MEGF11: variants seen among roughly 807,000 people sequenced by gnomAD.
MEGF11 encodes multiple EGF like domains 11, also known as multiple epidermal growth factor-like domains protein 11.
In MEGF11, 126 loss-of-function variants were observed where a neutral mutation model predicts 146.6. The observed-to-expected ratio is 0.86, with a 90% CI of 0.74 to 1.00. MEGF11 has a LOEUF of 1.00. Ranked by LOEUF, MEGF11 falls within the 50% of genes least tolerant of loss-of-function variation. The probability of loss-of-function intolerance (pLI) is 0.00; values close to 1 mark genes in which losing one functional copy is unlikely to be tolerated. For synonymous variants in MEGF11, 532 were observed against 583.4 expected (o/e 0.91, Z 1.27); for missense variants, 1,509 against 1,521.2 (o/e 0.99, Z 0.13).
chr15:66,196,194 A>G (rs952698259), intron 1 of MEGF11, among the ~76,000 whole-genome samples: 6 of 152,272 alleles, frequency 3.9e-5, no homozygotes, highest in Admixed American at 6.5e-5. Flanking sequence ...ATTTGGGGTC[A>G]GGCGTGGTGG....
chr15:66,002,846 A>G (rs1425622626), intron 5 of MEGF11, among the ~76,000 whole-genome samples: 3 of 152,286 alleles, frequency 2.0e-5, no homozygotes, highest in African/African-American at 7.2e-5. Context: ...GAACCTGAGC[A>G]ATCAGCTAGT....
chr15:66,160,197 G>T (rs962949344), intron 1 of MEGF11, among the ~76,000 whole-genome samples: 2 of 149,188 alleles, frequency 1.3e-5, no homozygotes, highest in Admixed American at 6.7e-5. Flanking sequence ...GGCTAGAAAG[G>T]GCTTTGTTTC....
At chr15:66,183,534 C>A (rs200725895) in intron 1 of MEGF11, among the ~76,000 whole-genome samples, 7,042 of 121,976 alleles carry the variant, frequency 0.058, 250 homozygotes, top group East Asian at 0.1. Flanking sequence ...CACCCCCCTG[C>A]CAAAAAGAAA....
intron 5 of MEGF11, among the ~76,000 whole-genome samples, chr15:65,992,060 C>T (rs954008599): frequency 1.3e-5 from 2 of 152,210 alleles, no homozygotes; most frequent in African/African-American, 4.8e-5. Flanking sequence ...GACAAGGAGG[C>T]CCGGGAGCGG....
At chr15:66,215,242 A>G in intron 1 of MEGF11, among the ~76,000 whole-genome samples, 1 of 152,036 alleles carries the variant, frequency 6.6e-6, no homozygotes, top group East Asian at 1.9e-4. Context: ...GTATCTTCGC[A>G]TTGGTCTCTT....
intron 1 of MEGF11, among the ~76,000 whole-genome samples, chr15:66,212,575 G>A (rs1274792581): frequency 4.6e-5 from 7 of 152,238 alleles, no homozygotes; most frequent in Admixed American, 4.6e-4. Context: ...GATCCCAGTA[G>A]TGAAGGTAAT....
At chr15:65,901,266 G>C (rs2078488117) in intron 24 of MEGF11, among the ~76,000 whole-genome samples, 1 of 152,094 alleles carries the variant, frequency 6.6e-6, no homozygotes, top group South Asian at 2.1e-4. Flanking sequence ...CAGAGCTTCT[G>C]GTTTGGAAGC....
chr15:65,903,402 C>T (rs1294162128), intron 24 of MEGF11, among the ~76,000 whole-genome samples: 2 of 152,120 alleles, frequency 1.3e-5, no homozygotes, highest in Non-Finnish European at 2.9e-5. Flanking sequence ...AAGTGGTCTC[C>T]CTTAACCTCC....
At chr15:66,007,764 G>T (rs541229123) in intron 5 of MEGF11, among the ~76,000 whole-genome samples, 1 of 152,152 alleles carries the variant, frequency 6.6e-6, no homozygotes, top group Non-Finnish European at 1.5e-5. Flanking sequence ...GAAAAGAAAA[G>T]AAAAGAAAAG....
intron 1 of MEGF11, among the ~76,000 whole-genome samples, chr15:66,170,795 C>T (rs771452441): frequency 1.3e-4 from 20 of 152,120 alleles, no homozygotes; most frequent in Admixed American, 2.6e-4. Context: ...CCCACAAGCA[C>T]GGCCCTCAGC....
At chr15:65,908,893 T>C in intron 23 of MEGF11, 141 bp downstream of exon 23, 1 of 599,412 alleles carries the variant, frequency 1.7e-6, no homozygotes, top group Non-Finnish European at 3.0e-6. Context: ...ATTGAGCTGG[T>C]AGACATGTTG....
At chr15:66,039,046 G>A (rs1031495981) in intron 5 of MEGF11, among the ~76,000 whole-genome samples, 3 of 152,192 alleles carry the variant, frequency 2.0e-5, no homozygotes, top group African/African-American at 7.2e-5. Context: ...TGCTGGAAAT[G>A]CAGTCTCGGG....
intron 10 of MEGF11, among the ~76,000 whole-genome samples, chr15:65,950,016 C>T (rs1433021126): frequency 6.6e-6 from 1 of 152,176 alleles, no homozygotes; most frequent in African/African-American, 2.4e-5. Flanking sequence ...AAAGATTCAA[C>T]TAACTGCTTC....
chr15:66,132,062 G>A (rs2088668641), intron 1 of MEGF11, among the ~76,000 whole-genome samples: 2 of 152,228 alleles, frequency 1.3e-5, no homozygotes. Flanking sequence ...AAGGGACACT[G>A]GCATCATAGC....
chr15:65,978,570 G>T (rs940210067), intron 7 of MEGF11, among the ~76,000 whole-genome samples: 5 of 152,202 alleles, frequency 3.3e-5, no homozygotes, highest in African/African-American at 1.2e-4. Flanking sequence ...AGCCTCAGCA[G>T]TGTCTCCAGA....
chr15:66,017,054 C>G, intron 5 of MEGF11, among the ~76,000 whole-genome samples: 1 of 152,248 alleles, frequency 6.6e-6, no homozygotes, highest in South Asian at 2.1e-4. Flanking sequence ...CCTGTCCTTC[C>G]CAAGTTAAGT....
intron 3 of MEGF11, among the ~76,000 whole-genome samples, chr15:66,123,285 G>A (rs895413048): frequency 1.3e-5 from 2 of 152,200 alleles, no homozygotes; most frequent in African/African-American, 4.8e-5. Flanking sequence ...AGGAAAGCCT[G>A]GTCAAGGTGC....
At chr15:66,050,185 G>A (rs772258107) in intron 5 of MEGF11, among the ~76,000 whole-genome samples, 25 of 152,206 alleles carry the variant, frequency 1.6e-4, no homozygotes, top group Non-Finnish European at 2.6e-4. Flanking sequence ...TCAGCCTCCC[G>A]AGTAGCTGGA....
intron 1 of MEGF11, among the ~76,000 whole-genome samples, chr15:66,134,090 C>T (rs963601495): frequency 4.6e-5 from 7 of 152,194 alleles, no homozygotes; most frequent in Admixed American, 4.6e-4. Context: ...GGTCAAGAGA[C>T]TGTCCTGTCC....
Sources: allele counts gnomAD v4.1 joint callset (sites outside exome capture counted in the v4.1 genomes callset), GRCh38; gene constraint gnomAD v4.1.1; transcripts MANE v1.5; gene names NCBI Gene and HGNC (gene_info 2026-07-23, HGNC 2026-07-21).